The following LRP1B variants were observed in gnomAD, a reference collection of about 807,000 sequenced individuals.
LRP1B encodes LDL receptor related protein 1B.
A neutral mutation model predicts 556.6 loss-of-function variants in LRP1B; 217 were observed. That is an observed-to-expected ratio of 0.39 (90% CI 0.35 to 0.44). The LOEUF is 0.44. LRP1B is among the 20% of genes least tolerant of loss of function. The pLI, the probability that LRP1B is intolerant of heterozygous loss-of-function variation, is 1.00. For missense variants in LRP1B, 5,053 were observed against 5,620.8 expected (o/e 0.90, Z 3.23); for synonymous variants, 2,047 against 1,865.8 (o/e 1.10, Z -2.50).
intron 35 of LRP1B, among the ~76,000 whole-genome samples, chr2:140,738,095 C>T (rs182934672): frequency 2.0e-4 from 30 of 152,166 alleles, no homozygotes; most frequent in Admixed American, 1.2e-3. Context: ...AGAGAGAAGG[C>T]GCACTTTTGC....
intron 55 of LRP1B, among the ~76,000 whole-genome samples, chr2:140,497,483 A>G (rs1288807182): frequency 2.0e-5 from 3 of 151,938 alleles, no homozygotes; most frequent in East Asian, 1.9e-4. Context: ...ATTTTATATT[A>G]TATCTTTTTA....
At chr2:140,951,388 A>G (rs924823321) in intron 19 of LRP1B, among the ~76,000 whole-genome samples, 1 of 152,308 alleles carries the variant, frequency 6.6e-6, no homozygotes, top group East Asian at 1.9e-4. Context: ...ATTCCTATAT[A>G]ATTAATTTAC....
chr2:140,542,375 A>G (rs548577474), intron 43 of LRP1B, among the ~76,000 whole-genome samples: 1 of 152,210 alleles, frequency 6.6e-6, no homozygotes, highest in African/African-American at 2.4e-5. Context: ...CATATGGCAT[A>G]TAAAGAACCA....
intron 1 of LRP1B, among the ~76,000 whole-genome samples, chr2:142,118,953 A>C (rs1707363104): frequency 1.3e-5 from 2 of 152,180 alleles, no homozygotes; most frequent in Admixed American, 1.3e-4. Flanking sequence ...TTTGGAGCCA[A>C]ATTATCAAAG....
chr2:140,628,269 G>A (rs761670428), intron 41 of LRP1B, among the ~76,000 whole-genome samples: 1 of 152,168 alleles, frequency 6.6e-6, no homozygotes, highest in Non-Finnish European at 1.5e-5. Flanking sequence ...AGTGGCTCAC[G>A]ACTGTAATCC....
chr2:140,485,368 C>T lies in LRP1B; in HGVS notation c.9400G>A (p.Asp3134Asn). ...LVSKRLKFPR[D>N]LSLDPQAGYL... Reference sequence around the variant, plus strand: ...CCAGCTTGAGGATCTAAAGACAAGTCTCTGGGAAACTTCAGCCTTTTGCTA... The same window carrying T: ...CCAGCTTGAGGATCTAAAGACAAGTTTCTGGGAAACTTCAGCCTTTTGCTA... The change falls in exon 59 of 91, where the codon GAC becomes AAC. Residue 3134 changes from aspartate to asparagine, a missense_variant. This residue lies in a region of LRP1B where 3,619 missense variants were observed against 3,931.9 expected (regional missense o/e 0.92). Transcript: ENST00000389484. The T allele has an allele frequency of 6.2e-7, 1 of 1,611,204 alleles. No individual in the cohort carries two copies. Among genetic ancestry groups the T allele is most frequent in the Non-Finnish European group, 8.5e-7 (1 of 1,179,050 alleles).
chr2:141,329,494 A>C (rs1189281659), intron 3 of LRP1B, among the ~76,000 whole-genome samples: 1 of 151,950 alleles, frequency 6.6e-6, no homozygotes, highest in African/African-American at 2.4e-5. Context: ...AATACGAAAA[A>C]TTAGCCGGGT....
At chr2:141,026,755 T>C (rs1698228435) in intron 11 of LRP1B, among the ~76,000 whole-genome samples, 1 of 152,056 alleles carries the variant, frequency 6.6e-6, no homozygotes, top group East Asian at 1.9e-4. Context: ...CCTGGGTACA[T>C]AGGTACTCTT....
chr2:141,376,092 G>A (rs1457192365), intron 3 of LRP1B, among the ~76,000 whole-genome samples: 1 of 152,080 alleles, frequency 6.6e-6, no homozygotes, highest in African/African-American at 2.4e-5. Context: ...CTCCCTCCTT[G>A]GAGCAGTGTA....
At chr2:140,458,291 A>G (rs16844004) in intron 60 of LRP1B, among the ~76,000 whole-genome samples, 7,188 of 152,206 alleles carry the variant, frequency 0.047, 245 homozygotes, top group Non-Finnish European at 0.055. Flanking sequence ...TAGTCATAAA[A>G]CAGTTTAGTT....
chr2:140,939,824 A>T (rs1559206912), intron 20 of LRP1B, among the ~76,000 whole-genome samples: 2 of 150,600 alleles, frequency 1.3e-5, no homozygotes, highest in Admixed American at 6.6e-5. Flanking sequence ...TACAGGTAAA[A>T]TTTTTTTTAG....
At chr2:141,918,947 A>C (rs1700109084) in intron 1 of LRP1B, among the ~76,000 whole-genome samples, 1 of 152,150 alleles carries the variant, frequency 6.6e-6, no homozygotes, top group African/African-American at 2.4e-5. Flanking sequence ...AGAGACTTGA[A>C]AATCCAAGCC....
At chr2:141,037,113 A>T (rs911685069) in intron 11 of LRP1B, among the ~76,000 whole-genome samples, 1 of 151,808 alleles carries the variant, frequency 6.6e-6, no homozygotes, top group Non-Finnish European at 1.5e-5. Flanking sequence ...GTGGAGAGAG[A>T]CCTTCCAGTA....
At chr2:140,726,860 G>A (rs968029213) in intron 35 of LRP1B, among the ~76,000 whole-genome samples, 1 of 150,860 alleles carries the variant, frequency 6.6e-6, no homozygotes, top group East Asian at 2.0e-4. Flanking sequence ...CATCTTAATG[G>A]TTCATCTTGC....
At chr2:141,038,226 C>T (rs1340223136) in intron 11 of LRP1B, among the ~76,000 whole-genome samples, 1 of 151,958 alleles carries the variant, frequency 6.6e-6, no homozygotes, top group Non-Finnish European at 1.5e-5. Context: ...CCCTCCAGTC[C>T]TTCTCCGGGC....
intron 2 of LRP1B, among the ~76,000 whole-genome samples, chr2:141,800,549 C>A (rs1695976380): frequency 6.6e-6 from 1 of 152,144 alleles, no homozygotes; most frequent in Non-Finnish European, 1.5e-5. Context: ...CACTCCAGTA[C>A]CTTGGATAAC....
At chr2:140,939,316 A>G (rs1200046215) in intron 20 of LRP1B, among the ~76,000 whole-genome samples, 3 of 151,870 alleles carry the variant, frequency 2.0e-5, no homozygotes, top group African/African-American at 4.8e-5. Flanking sequence ...TGCATGAATG[A>G]GTAAATGAAG....
chr2:141,797,186 T>TATATAA (rs1328874775), intron 2 of LRP1B, among the ~76,000 whole-genome samples: 28 of 132,408 alleles, frequency 2.1e-4, no homozygotes, highest in East Asian at 4.2e-4. Context: ...TATATATATA[T>TATATAA]AACTATATAT....
At chr2:140,239,227 A>G (rs958349992) in intron 88 of LRP1B, among the ~76,000 whole-genome samples, 1 of 150,896 alleles carries the variant, frequency 6.6e-6, no homozygotes, top group Non-Finnish European at 1.5e-5. Context: ...TTTTGCTAGA[A>G]TATATACATG....
Sources: allele counts gnomAD v4.1 joint callset (sites outside exome capture counted in the v4.1 genomes callset), GRCh38; gene constraint gnomAD v4.1.1; regional missense constraint gnomAD v4.1.1; transcripts MANE v1.5; gene names NCBI Gene and HGNC (gene_info 2026-07-23, HGNC 2026-07-21).